Variants in NEAT1 observed in about 807,000 individuals in gnomAD.
NEAT1 encodes the protein MENepsilon/beta.
exon 1 of NEAT1, chr11:65,442,308 C>T (rs1190665478): frequency 6.6e-6 from 1 of 152,140 alleles, no homozygotes; most frequent in Non-Finnish European, 1.5e-5. Flanking sequence ...TGACAGTTAC[C>T]AAGGAGTGTA....
exon 1 of NEAT1, chr11:65,437,237 A>AT (rs1856669197): frequency 5.5e-5 from 8 of 146,122 alleles, no homozygotes; most frequent in Non-Finnish European, 1.2e-4. Context: ...ACATATATAT[A>AT]TACATATATA....
At chr11:65,442,851 G>A (rs71470406) in exon 1 of NEAT1, 1 of 152,276 alleles carries the variant, frequency 6.6e-6, no homozygotes, top group African/African-American at 2.4e-5. Context: ...CTACACTCCA[G>A]CCTGGGTGAC....
chr11:65,443,828 G>T (rs892880912), exon 1 of NEAT1: 1 of 152,758 alleles, frequency 6.5e-6, no homozygotes, highest in African/African-American at 2.4e-5. Flanking sequence ...CTGCTCATTG[G>T]CTGAGTGCAG....
At chr11:65,432,903 C>T (rs1225606424) in exon 1 of NEAT1, 5 of 150,750 alleles carry the variant, frequency 3.3e-5, no homozygotes, top group Non-Finnish European at 7.4e-5. Context: ...CTTTTTGTAC[C>T]CATAAGTTAG....
exon 1 of NEAT1, chr11:65,433,026 A>G (rs1464944760): frequency 6.6e-6 from 1 of 150,866 alleles, no homozygotes; most frequent in Admixed American, 6.6e-5. Flanking sequence ...AAAAAAAACC[A>G]CAAACATTAT....
rs1208288674 is a variant in NEAT1 at position 65,427,089 on chromosome 11, CTG to C, written n.4295_4296del. Reference sequence around the variant, plus strand: ...GCGTGCTACAGTAAGCAAGCAGAGGCTGTGCAAAGGTGTGAGCAGGATCACGT... The same window carrying C: ...GCGTGCTACAGTAAGCAAGCAGAGGCTGCAAAGGTGTGAGCAGGATCACGT... On this transcript the variant is annotated non_coding_transcript_exon_variant, in exon 1 of 1. Coordinates refer to ENST00000501122, the Ensembl canonical transcript of NEAT1. 2.0e-5 allele frequency: 3 copies of C among 152,240 alleles called. No homozygotes were observed. The East Asian group carries it at 5.8e-4, about 29-fold the overall frequency. 9.4% of individuals were successfully genotyped at this position (152,240 alleles called of 1,614,324 possible).
At chr11:65,432,755 A>G (rs1590673037) in exon 1 of NEAT1, 2 of 150,080 alleles carry the variant, frequency 1.3e-5, no homozygotes, top group Middle Eastern at 3.4e-3. Context: ...TGAATTCTAC[A>G]GTAGTGAAGT....
At chr11:65,435,674 T>C (rs1487923973) in exon 1 of NEAT1, 3 of 152,060 alleles carry the variant, frequency 2.0e-5, no homozygotes, top group Non-Finnish European at 4.4e-5. Flanking sequence ...TTTTGTGAGA[T>C]GGGTTGAAAG....
At chr11:65,431,906 A>C (rs2134896803) in exon 1 of NEAT1, 2 of 152,208 alleles carry the variant, frequency 1.3e-5, no homozygotes, top group South Asian at 4.1e-4. Context: ...TGATGTATAG[A>C]AGTTTTTAGT....
exon 1 of NEAT1, chr11:65,444,380 A>T: frequency 2.2e-6 from 1 of 458,280 alleles, no homozygotes; most frequent in Non-Finnish European, 4.5e-6. Context: ...CATCAGGATG[A>T]GTAGAAGGCA....
At chr11:65,437,603 A>G (rs1314172013) in exon 1 of NEAT1, 1 of 152,034 alleles carries the variant, frequency 6.6e-6, no homozygotes, top group African/African-American at 2.4e-5. Flanking sequence ...CTGCATGTTT[A>G]CCTTAACCTT....
chr11:65,435,859 T>A (rs1856653672), exon 1 of NEAT1: 1 of 152,210 alleles, frequency 6.6e-6, no homozygotes, highest in Admixed American at 6.5e-5. Flanking sequence ...ATTCCTGGTA[T>A]TCTTTCCCCT....
exon 1 of NEAT1, chr11:65,437,497 T>C (rs1394518344): frequency 6.6e-6 from 1 of 152,104 alleles, no homozygotes; most frequent in Non-Finnish European, 1.5e-5. Context: ...TGCCAGTTCC[T>C]AATGGTTTTA....
exon 1 of NEAT1, chr11:65,425,410 GGGT>G (rs1305369888): frequency 6.6e-6 from 1 of 152,104 alleles, no homozygotes; most frequent in Non-Finnish European, 1.5e-5. Context: ...GTTTTGTTTG[GGGT>G]GTGGGTGTTA....
exon 1 of NEAT1, chr11:65,431,217 T>C (rs944996641): frequency 2.0e-5 from 3 of 152,204 alleles, no homozygotes; most frequent in Admixed American, 6.5e-5. Flanking sequence ...TGTCAGAATT[T>C]CCTTCCTTTT....
chr11:65,444,439 T>C (rs747122788), exon 1 of NEAT1: 1 of 472,044 alleles, frequency 2.1e-6, no homozygotes, highest in South Asian at 1.5e-5. Flanking sequence ...CAGGTTACAG[T>C]CCTCTCTGAG....
exon 1 of NEAT1, chr11:65,429,206 A>G (rs903964384): frequency 2.0e-5 from 3 of 152,146 alleles, no homozygotes; most frequent in African/African-American, 7.2e-5. Flanking sequence ...CTCTTTGGGA[A>G]TGCTGAATAC....
At chr11:65,441,298 T>C (rs1226828589) in exon 1 of NEAT1, 1 of 152,144 alleles carries the variant, frequency 6.6e-6, no homozygotes, top group Admixed American at 6.6e-5. Context: ...GGCCTTCTTT[T>C]AGGAGCTTCA....
exon 1 of NEAT1, chr11:65,437,721 T>C (rs921368760): frequency 1.3e-5 from 2 of 152,122 alleles, no homozygotes; most frequent in African/African-American, 2.4e-5. Context: ...AAGCTGGTCT[T>C]GGTCTGTCTA....
Sources: gnomAD v4.1 joint callset for allele counts on GRCh38, gnomAD v4.1.1 for gene constraint, MANE v1.5 for transcripts, NCBI Gene and HGNC (gene_info 2026-07-23, HGNC 2026-07-21) for gene names.